ANXA4: variants seen among roughly 807,000 people sequenced by gnomAD.
ANXA4 encodes the protein annexin A4.
Under a neutral mutation model 49.8 loss-of-function variants are expected in ANXA4, and 39 were observed. The observed-to-expected ratio is 0.78, with a 90% CI of 0.61 to 1.02. The LOEUF is 1.02. Ranked by LOEUF, ANXA4 falls within the 50% of genes least tolerant of loss-of-function variation. The pLI is 0.00. For missense variants in ANXA4, 360 were observed against 410.1 expected, an observed-to-expected ratio of 0.88 and a Z score of 1.05; for synonymous variants, 134 against 152.5, an observed-to-expected ratio of 0.88 and a Z score of 0.89.
chr2:69,740,680 C>CTTTTTTTTTTTTT (rs3077548), upstream of ANXA4, among the ~76,000 whole-genome samples: 2 of 75,780 alleles, frequency 2.6e-5, no homozygotes, highest in African/African-American at 1.1e-4. Context: ...CTTTCTTCCT[C>CTTTTTTTTTTTTT]TTTTTTTTTT....
chr2:69,685,590 G>A (rs1677757993), intron 2 of ANXA4, among the ~76,000 whole-genome samples: 1 of 151,974 alleles, frequency 6.6e-6, no homozygotes, highest in African/African-American at 2.4e-5. Flanking sequence ...GAAGTTAGAG[G>A]GTATGATGAA....
At chr2:69,732,850 C>T (rs1670141945) in intron 3 of ANXA4, among the ~76,000 whole-genome samples, 1 of 152,186 alleles carries the variant, frequency 6.6e-6, no homozygotes, top group African/African-American at 2.4e-5. Flanking sequence ...TATCAGTTAC[C>T]TTGCTATGCC....
intron 1 of ANXA4, among the ~76,000 whole-genome samples, chr2:69,763,987 T>C (rs1475398324): frequency 6.6e-6 from 1 of 152,146 alleles, no homozygotes; most frequent in Non-Finnish European, 1.5e-5. Context: ...GTGGTCCTCT[T>C]CTTTTATCTC....
At chr2:69,814,743 G>GGTGTGTGTGTGTGTGT (rs754855168) in intron 8 of ANXA4, 3 of 123,636 alleles carry the variant, frequency 2.4e-5, no homozygotes, top group Non-Finnish European at 4.7e-5. Context: ...GACACAGAGG[G>GGTGTGTGTGTGTGTGT]GTGTGTGTGT....
chr2:69,697,452 C>A (rs1396720055), intron 2 of ANXA4, among the ~76,000 whole-genome samples: 2 of 152,226 alleles, frequency 1.3e-5, no homozygotes, highest in Admixed American at 6.5e-5. Flanking sequence ...TTCTCCGTAT[C>A]AATGCTGTTT....
In ANXA4 at chr2:69,820,711, G is replaced by A. The variant is rs149097698; in HGVS notation, c.796G>A (p.Asp266Asn). The change falls in exon 12 of 13, where the codon GAT (aspartate) becomes AAT (asparagine). Residue 266 changes from aspartate to asparagine, a missense_variant. Coordinates refer to ENST00000394295, the MANE Select transcript of ANXA4 (RefSeq NM_001153.5). ...TTTTCTTCCTTAGGGCTTGGGCACC[G>A]ATGATAACACCCTCATCAGAGTGAT... ...LYKSMKGLGT[D>N]DNTLIRVMVS... The A allele has an allele frequency of 6.9e-5, 111 of 1,613,922 alleles. No individual in the cohort carries two copies. Among genetic ancestry groups the A allele is most frequent in the Non-Finnish European group, 8.6e-5 (102 of 1,179,944 alleles).
intron 3 of ANXA4, among the ~76,000 whole-genome samples, chr2:69,722,689 G>A (rs995234390): frequency 2.0e-5 from 3 of 151,996 alleles, no homozygotes; most frequent in South Asian, 2.1e-4. Flanking sequence ...TTTAGAAATA[G>A]TGATGATAGT....
intron 3 of ANXA4, among the ~76,000 whole-genome samples, chr2:69,802,002 G>T (rs1037702291): frequency 6.6e-6 from 1 of 152,158 alleles, no homozygotes; most frequent in African/African-American, 2.4e-5. Flanking sequence ...AGCACAGTTG[G>T]GTAAAGCACA....
At chr2:69,694,365 C>CTTT (rs5831981) in intron 2 of ANXA4, among the ~76,000 whole-genome samples, 2 of 139,098 alleles carry the variant, frequency 1.4e-5, no homozygotes, top group Admixed American at 6.9e-5. Context: ...CAATACATTT[C>CTTT]TTTTTTTTTT....
intron 2 of ANXA4, among the ~76,000 whole-genome samples, chr2:69,719,377 T>G (rs755547904): frequency 1.3e-5 from 2 of 151,114 alleles, no homozygotes; most frequent in African/African-American, 4.9e-5. Flanking sequence ...GCCTCCTGCT[T>G]TCAGCCTCCT....
rs1678404715 is a variant in ANXA4 at position 69,703,763 on chromosome 2, A to G, written n.767-17011A>G. On this transcript the variant is annotated intron_variant and non_coding_transcript_variant, in intron 2 of 3. Coordinates refer to the ANXA4 transcript ENST00000418066. Reference sequence around the variant, plus strand: ...ATTTTAGTTTATTTCTGGATTTCCTATTTTATTCCATTATCTATCTAAATC... The same window carrying G: ...ATTTTAGTTTATTTCTGGATTTCCTGTTTTATTCCATTATCTATCTAAATC... 2.6e-5 allele frequency among the ~76,000 whole-genome samples: 4 copies of G among 152,062 alleles called. 1 individual carries two copies. Among genetic ancestry groups the G allele is most frequent in the African/African-American group, 9.7e-5 (4 of 41,368 alleles).
chr2:69,663,293 CTTTTTTTTTTTTTTTTTT>C (rs55970370), intron 2 of ANXA4, among the ~76,000 whole-genome samples: 1,383 of 42,938 alleles, frequency 0.032, 66 homozygotes, highest in African/African-American at 0.12. Context: ...TGCACCCGGC[CTTTTTTTTTTTTTTTTTT>C]TTTTTTTTTT....
In ANXA4 at chr2:69,780,394, C is replaced by T. The variant is rs997801692; in HGVS notation, c.-46-1126C>T. 4.6e-5 allele frequency among the ~76,000 whole-genome samples: 7 copies of T among 152,268 alleles called. No homozygotes were observed. In the East Asian group the frequency reaches 1.4e-3, roughly 29 times the overall value. The stretch of plus-strand genomic sequence containing the variant: ...TATTTTTAGTAGAGATGGGGTTTCA[C>T]CATGTGGGCCAGGCTGGTCTCAAAC... On this transcript the variant is annotated intron_variant, in intron 1 of 12. Transcript: ENST00000394295.
At chr2:69,797,015 A>G (rs76863660) in intron 3 of ANXA4, among the ~76,000 whole-genome samples, 5,278 of 152,200 alleles carry the variant, frequency 0.035, 161 homozygotes, top group Non-Finnish European at 0.048. Flanking sequence ...ATTAAAATCA[A>G]GGTTCCCTTC....
At chr2:69,697,714 G>A (rs1678202573) in intron 2 of ANXA4, among the ~76,000 whole-genome samples, 1 of 152,146 alleles carries the variant, frequency 6.6e-6, no homozygotes, top group African/African-American at 2.4e-5. Flanking sequence ...TTGGCCTAAT[G>A]TCAATATTGT....
intron 2 of ANXA4, among the ~76,000 whole-genome samples, chr2:69,661,650 A>G (rs1676725567): frequency 6.6e-6 from 1 of 152,192 alleles, no homozygotes; most frequent in South Asian, 2.1e-4. Flanking sequence ...AAGCACGTGG[A>G]CAGGTGATAA....
chr2:69,718,754 TACAC>T (rs574961611), intron 2 of ANXA4, among the ~76,000 whole-genome samples: 6 of 143,394 alleles, frequency 4.2e-5, no homozygotes, highest in South Asian at 2.1e-4. Flanking sequence ...CATACATGCA[TACAC>T]ACACATACAC....
chr2:69,676,707 A>G (rs1677424623), intron 2 of ANXA4, among the ~76,000 whole-genome samples: 3 of 152,192 alleles, frequency 2.0e-5, no homozygotes, highest in African/African-American at 7.2e-5. Flanking sequence ...ATCCTGGCCA[A>G]CATGGTGAAA....
chr2:69,676,787 G>A lies in ANXA4; in HGVS notation n.766+23505G>A, dbSNP rs144493680. The stretch of plus-strand genomic sequence containing the variant: ...GCATGCCTGTAGTCCCAGCTACTAG[G>A]GAGGCTGAGGCAGGAGAATTGCTTG... On this transcript the variant is annotated intron_variant and non_coding_transcript_variant, in intron 2 of 3. Coordinates refer to the ANXA4 transcript ENST00000418066. Among the ~76,000 whole-genome samples, 202 of 152,254 alleles carry A rather than the reference G, an allele frequency of 1.3e-3. 1 individual carries two copies. Among genetic ancestry groups the A allele is most frequent in the African/African-American group, 4.7e-3 (195 of 41,534 alleles).
Sources: allele counts gnomAD v4.1 joint callset (sites outside exome capture counted in the v4.1 genomes callset), GRCh38; gene constraint gnomAD v4.1.1; transcripts MANE v1.5; gene names NCBI Gene and HGNC (gene_info 2026-07-23, HGNC 2026-07-21).